Variants in CSMD1 observed in about 807,000 individuals in gnomAD.
The protein encoded by CSMD1 is CUB and sushi domain-containing protein 1.
CSMD1 carries 213 observed loss-of-function variants against 417.5 expected under a neutral mutation model. The ratio of observed to expected loss-of-function variants is 0.51; its 90% CI spans 0.46 to 0.57. The LOEUF (loss-of-function observed/expected upper bound fraction) is 0.57, where lower values mean the gene tolerates loss of function less well. CSMD1 is among the 20% of genes least tolerant of loss of function. The pLI is 0.00. For synonymous variants in CSMD1, 2,862 were observed against 1,736.8 expected (o/e 1.65, Z -16.11); for missense variants, 6,923 against 4,529.7 (o/e 1.53, Z -15.17).
chr8:3,713,520 C>A (rs1801647269), intron 6 of CSMD1, among the ~76,000 whole-genome samples: 2 of 152,138 alleles, frequency 1.3e-5, no homozygotes, highest in African/African-American at 2.4e-5. Context: ...CCAGCCCCCA[C>A]AGCCAGACAT....
At chr8:4,863,622 C>T (rs1196963407) in intron 1 of CSMD1, among the ~76,000 whole-genome samples, 1 of 152,024 alleles carries the variant, frequency 6.6e-6, no homozygotes, top group Non-Finnish European at 1.5e-5. Context: ...ACACTCCCAC[C>T]TCTCCATATC....
chr8:3,851,903 G>A (rs527700345), intron 5 of CSMD1, among the ~76,000 whole-genome samples: 5 of 152,104 alleles, frequency 3.3e-5, no homozygotes, highest in Admixed American at 1.3e-4. Context: ...AGATTCTGGC[G>A]GGGTAGAAGT....
intron 1 of CSMD1, among the ~76,000 whole-genome samples, chr8:4,935,005 C>G (rs1165912904): frequency 1.3e-5 from 2 of 152,210 alleles, no homozygotes; most frequent in African/African-American, 4.8e-5. Context: ...CATCATCTAT[C>G]TATACATATC....
chr8:3,963,010 C>A (rs926941167), intron 5 of CSMD1, among the ~76,000 whole-genome samples: 5 of 152,098 alleles, frequency 3.3e-5, no homozygotes, highest in Admixed American at 1.3e-4. Context: ...AATCTCGGCT[C>A]ACTGCAACCT....
chr8:4,114,340 C>A (rs574374734), intron 3 of CSMD1, among the ~76,000 whole-genome samples: 2 of 152,240 alleles, frequency 1.3e-5, no homozygotes, highest in African/African-American at 4.8e-5. Flanking sequence ...GTTTACAGCA[C>A]GGTTAATGCA....
At chr8:4,291,369 C>G (rs1037452447) in intron 3 of CSMD1, among the ~76,000 whole-genome samples, 4 of 151,966 alleles carry the variant, frequency 2.6e-5, no homozygotes, top group South Asian at 2.1e-4. Flanking sequence ...AAACAAAATA[C>G]AAATTTATAC....
chr8:3,240,067 A>G (rs1228288597), intron 26 of CSMD1, among the ~76,000 whole-genome samples: 1 of 152,136 alleles, frequency 6.6e-6, no homozygotes, highest in Admixed American at 6.5e-5. Flanking sequence ...AAGGGCCTCT[A>G]AAAGGATTAG....
At chr8:3,665,568 G>C (rs1163276189) in intron 7 of CSMD1, among the ~76,000 whole-genome samples, 1 of 152,196 alleles carries the variant, frequency 6.6e-6, no homozygotes, top group Admixed American at 6.5e-5. Flanking sequence ...TTAGTATCTT[G>C]ATTCCTTACT....
At chr8:3,762,810 C>CCA (rs961736665) in intron 5 of CSMD1, among the ~76,000 whole-genome samples, 1 of 152,166 alleles carries the variant, frequency 6.6e-6, no homozygotes, top group African/African-American at 2.4e-5. Flanking sequence ...GGAGAGCCAC[C>CCA]CACGCAGCCG....
chr8:4,331,015 G>A (rs182173017), intron 3 of CSMD1, among the ~76,000 whole-genome samples: 1 of 152,128 alleles, frequency 6.6e-6, no homozygotes, highest in Non-Finnish European at 1.5e-5. Flanking sequence ...TAAGTTCTTA[G>A]TGCATTATCT....
chr8:4,053,184 G>T (rs890456705), intron 3 of CSMD1, among the ~76,000 whole-genome samples: 12 of 152,174 alleles, frequency 7.9e-5, no homozygotes, highest in African/African-American at 2.9e-4. Flanking sequence ...CAAATTTGAA[G>T]CCTGAAAATA....
chr8:4,820,871 T>G (rs994068860), intron 1 of CSMD1, among the ~76,000 whole-genome samples: 1 of 152,178 alleles, frequency 6.6e-6, no homozygotes, highest in African/African-American at 2.4e-5. Flanking sequence ...TGTTACTACT[T>G]TTATATGGAG....
At chr8:3,724,852 T>A (rs1020324293) in intron 6 of CSMD1, among the ~76,000 whole-genome samples, 1 of 152,222 alleles carries the variant, frequency 6.6e-6, no homozygotes, top group Non-Finnish European at 1.5e-5. Context: ...ATGGCAGATA[T>A]CAGAAGCTTT....
intron 10 of CSMD1, among the ~76,000 whole-genome samples, chr8:3,537,962 G>T (rs1027882207): frequency 1.3e-5 from 2 of 152,096 alleles, no homozygotes; most frequent in African/African-American, 4.8e-5. Context: ...TTCACTCAGG[G>T]TATCGTTTAT....
chr8:4,079,120 T>G (rs1435875104), intron 3 of CSMD1, among the ~76,000 whole-genome samples: 1 of 151,770 alleles, frequency 6.6e-6, no homozygotes, highest in Non-Finnish European at 1.5e-5. Flanking sequence ...TTTGAGACAA[T>G]TTTTATTCAA....
intron 3 of CSMD1, among the ~76,000 whole-genome samples, chr8:4,115,299 A>C (rs1403400754): frequency 6.6e-6 from 1 of 152,240 alleles, no homozygotes; most frequent in African/African-American, 2.4e-5. Context: ...CATTTTTGGC[A>C]ACAAAATATT....
At chr8:3,337,523 G>T (rs1415824931) in intron 23 of CSMD1, among the ~76,000 whole-genome samples, 1 of 152,112 alleles carries the variant, frequency 6.6e-6, no homozygotes, top group Non-Finnish European at 1.5e-5. Context: ...TAGGTGTAAA[G>T]AATGACAGAG....
intron 15 of CSMD1, among the ~76,000 whole-genome samples, chr8:3,404,371 T>C (rs1009325763): frequency 3.3e-5 from 5 of 150,244 alleles, no homozygotes; most frequent in African/African-American, 1.2e-4. Flanking sequence ...GTTTCTACTT[T>C]GAGTAATGGT....
chr8:3,705,281 C>G (rs772633665), intron 7 of CSMD1, among the ~76,000 whole-genome samples: 4 of 152,172 alleles, frequency 2.6e-5, no homozygotes, highest in African/African-American at 4.8e-5. Flanking sequence ...CTGCAAAGAG[C>G]TGTGACCTCT....
Sources: allele counts gnomAD v4.1 joint callset (sites outside exome capture counted in the v4.1 genomes callset), GRCh38; gene constraint gnomAD v4.1.1; transcripts MANE v1.5; gene names NCBI Gene and HGNC (gene_info 2026-07-23, HGNC 2026-07-21).